The following EIF3G variants were observed in gnomAD, a reference collection of about 807,000 sequenced individuals.
EIF3G encodes the protein eukaryotic translation initiation factor 3 RNA-binding subunit.
EIF3G carries 10 observed loss-of-function variants against 41.7 expected under a neutral mutation model. The observed-to-expected ratio is 0.24, with a 90% CI of 0.15 to 0.41. The LOEUF (loss-of-function observed/expected upper bound fraction) is 0.41, where lower values mean the gene tolerates loss of function less well. EIF3G is among the 10% of genes least tolerant of loss of function. EIF3G has a pLI of 1.00. For synonymous variants in EIF3G, 204 were observed against 172.5 expected, an observed-to-expected ratio of 1.18 and a Z score of -1.43; for missense variants, 297 against 444.0, an observed-to-expected ratio of 0.67 and a Z score of 2.98.
At position 10,117,084 on chromosome 19, in the gene EIF3G, CT is replaced by C; in HGVS notation, c.404del (p.Glu135GlyfsTer3). ...DVSMTFITSKEDLNCQEEEDP... is the reference protein window; with the variant it reads ...DVSMTFITSKXDLNCQEEEDP... ...AGCCCCACCTGATTGCCCCGCTTAC[CT>C]CTTTGCTGGTGATGAACGTCATAGA... On this transcript the variant is annotated frameshift_variant and splice_region_variant, in exon 6 of 11. Transcript: ENST00000253108. LOFTEE classifies it high-confidence loss of function. The C allele has an allele frequency of 6.2e-7, 1 of 1,613,308 alleles. No homozygotes were observed. The highest frequency in any genetic ancestry group is 8.5e-7 in the Non-Finnish European group (1 of 1,179,600).
intron 3 of EIF3G, 60 bp from the exon 4 acceptor site, chr19:10,119,016 CA>C (rs1425253375): frequency 6.2e-7 from 1 of 1,612,992 alleles, no homozygotes; most frequent in Admixed American, 1.7e-5. Context: ...TCAGGAGCGG[CA>C]GGGCTGGAGG....
Position 10,119,853 on chromosome 19 carries a change from T to A in EIF3G, c.7A>T (p.Thr3Ser), listed in dbSNP as rs748091858. The stretch of plus-strand genomic sequence containing the variant: ...TCGCCGACTCACTCAAAGTCTCCAG[T>A]AGGCATCGCAAAAAGTATTCTCCAC... MP[T>S]GDFDSKPSWA... is the part of the protein sequence containing the mutation. The change falls in exon 1 of 11, where the codon ACT (threonine) becomes TCT (serine). Residue 3 changes from threonine to serine, a missense_variant. Thr to Ser is a moderately conservative substitution (Grantham distance 58). Coordinates refer to ENST00000253108, the MANE Select transcript of EIF3G (RefSeq NM_003755.5). 35 of 1,613,984 alleles carry A rather than the reference T, an allele frequency of 2.2e-5. No individual in the cohort carries two copies. Among genetic ancestry groups the A allele is most frequent in the Non-Finnish European group, 2.9e-5 (34 of 1,180,018 alleles).
rs199771066 is a variant in EIF3G at position 10,118,861 on chromosome 19, C to T, written c.240+7G>A. ...GGGTCCCCACTCCCTGCACCCCCCA[C>T]CCTCACCTTGAACTTCTTGCCATCC... On this transcript the variant is annotated splice_region_variant and intron_variant, in intron 4 of 10. Transcript: ENST00000253108. 1.2e-6 allele frequency: 2 copies of T among 1,613,714 alleles called. No individual in the cohort carries two copies. Among genetic ancestry groups the T allele is most frequent in the African/African-American group, 2.7e-5 (2 of 74,898 alleles).
Position 10,115,526 on chromosome 19 carries a change from C to T in EIF3G, c.900G>A (p.Val300=). The T allele has an allele frequency of 6.8e-6, 11 of 1,613,708 alleles. No homozygotes were observed. The highest frequency in any genetic ancestry group is 8.5e-6 in the Non-Finnish European group (10 of 1,179,730). Residue 300 remains valine, a synonymous_variant, in exon 10 of 11, where the codon GTG becomes GTA. Coordinates refer to ENST00000253108, the MANE Select transcript of EIF3G (RefSeq NM_003755.5). ...REDAARAIAG[V]SGFGYDHLIL... The stretch of plus-strand genomic sequence containing the variant: ...TGAGGTGGTCGTAGCCAAAGCCGGA[C>T]ACCCCGGCAATGGCACGCGCAGCAT...
chr19:10,115,482 G>A lies in EIF3G; in HGVS notation c.944C>T (p.Ala315Val). 3 of 1,608,054 alleles carry A rather than the reference G, an allele frequency of 1.9e-6. No homozygotes were observed. Among genetic ancestry groups the A allele is most frequent in the East Asian group, 2.2e-5 (1 of 44,836 alleles). The change falls in exon 10 of 11, where the codon GCC (alanine) becomes GTC (valine). Residue 315 changes from alanine to valine, a missense_variant. Transcript: ENST00000253108. ...TGGGGCAGGGATGGAGTCTTACTTG[G>A]CCCACTCGACGTTGAGGATGAGGTG... ...YDHLILNVEW[A>V]KPSTN
Position 10,117,135 on chromosome 19 carries a change from G to A in EIF3G, c.354C>T (p.Ala118=), listed in dbSNP as rs569020571. Reference sequence around the variant, plus strand: ...AGACATCGTCACTGACAGTGGTGGTGGCCACATTGGGTCCGGGGGGGTCAA... The same window carrying A: ...AGACATCGTCACTGACAGTGGTGGTAGCCACATTGGGTCCGGGGGGGTCAA... ...SEFDPPGPNV[A]TTTVSDDVSM... is the part of the protein sequence containing the mutation. Residue 118 remains alanine, a synonymous_variant, in exon 6 of 11, where the codon GCC becomes GCT. Coordinates refer to ENST00000253108, the MANE Select transcript of EIF3G (RefSeq NM_003755.5). The A allele has an allele frequency of 4.3e-6, 7 of 1,613,670 alleles. No homozygotes were observed. The Admixed American group carries it at 8.3e-5, about 19-fold the overall frequency.
chr19:10,119,291 G>A (rs572125927), intron 2 of EIF3G, 120 bp from the exon 3 acceptor site: 4 of 1,173,390 alleles, frequency 3.4e-6, no homozygotes, highest in South Asian at 1.3e-5. Flanking sequence ...GCCAAGGGCA[G>A]AGGGCTGGCC....
Position 10,115,033 on chromosome 19 carries a change from T to C in EIF3G, c.*81A>G, listed in dbSNP as rs1231507607. The stretch of plus-strand genomic sequence containing the variant: ...ACCAAGTAGAGAGAGTGGAGCTGCT[T>C]TATTGCCCTTGGAGCCCGCGCTCTC... On this transcript the variant is annotated 3_prime_UTR_variant, in exon 11 of 11. Transcript: ENST00000253108. 1 of 1,592,172 alleles carries C rather than the reference T, an allele frequency of 6.3e-7. No individual in the cohort carries two copies. Among genetic ancestry groups the C allele is most frequent in the Non-Finnish European group, 8.6e-7 (1 of 1,165,124 alleles).
At chr19:10,118,319 A>G in intron 5 of EIF3G, 1 of 305,422 alleles carries the variant, frequency 3.3e-6, no homozygotes, top group Non-Finnish European at 6.3e-6. Flanking sequence ...TAATCCCAAC[A>G]CTTTGGGAGG....
At chr19:10,117,301 A>T in intron 5 of EIF3G, 113 bp from the exon 6 acceptor site, 1 of 717,742 alleles carries the variant, frequency 1.4e-6, no homozygotes, top group Non-Finnish European at 2.3e-6. Flanking sequence ...CTCAAACCCC[A>T]TCTTCATCCT....
Position 10,117,136 on chromosome 19 carries a change from G to A in EIF3G, c.353C>T (p.Ala118Val), listed in dbSNP as rs11558272. 2 of 1,613,630 alleles carry A rather than the reference G, an allele frequency of 1.2e-6. No homozygotes were observed. The highest frequency in any genetic ancestry group is 1.7e-6 in the Non-Finnish European group (2 of 1,179,850). ...SEFDPPGPNVATTTVSDDVSM... is the reference protein window; with the variant it reads ...SEFDPPGPNVVTTTVSDDVSM... ...GACATCGTCACTGACAGTGGTGGTG[G>A]CCACATTGGGTCCGGGGGGGTCAAA... The change falls in exon 6 of 11, where the codon GCC (alanine) becomes GTC (valine). Residue 118 changes from alanine to valine, a missense_variant. By Grantham distance (64) the Ala-to-Val change is moderately conservative (BLOSUM62 0). Around this residue, in one of 4 missense-constraint regions of EIF3G, gnomAD observed 147 missense variants for 162.4 expected, o/e 0.91. Transcript: ENST00000253108.
chr19:10,115,223 A>G, intron 10 of EIF3G, 94 bp from the exon 11 acceptor site: 1 of 1,509,998 alleles, frequency 6.6e-7, no homozygotes, highest in Non-Finnish European at 9.0e-7. Context: ...TGGGCAGAGG[A>G]CGGGGTAATG....
At position 10,116,431 on chromosome 19, in the gene EIF3G, C is replaced by G; in HGVS notation, c.596-357G>C. 1 of 486,936 alleles carries G rather than the reference C, an allele frequency of 2.1e-6. No individual in the cohort carries two copies. The highest frequency in any genetic ancestry group is 3.7e-5 in the Admixed American group (1 of 27,142). The allele number at this position is 486,936 out of a possible 1,614,324, so 30.2% of individuals were successfully genotyped here. A position where few individuals can be genotyped will look rare whatever the true frequency, so the allele number is the denominator to read the frequency against. ...GGCAGGCGACAAGTGCACGTCTGCA[C>G]TCTCACACTCGCCACCAGCAAATCC... On this transcript the variant is annotated intron_variant, in intron 7 of 10. Coordinates refer to ENST00000253108, the MANE Select transcript of EIF3G (RefSeq NM_003755.5). This position sits in a 1 kb window ranked among gnomAD's most constrained non-coding sequence, Gnocchi z 4.1.
At chr19:10,115,158 G>T in intron 10 of EIF3G, 29 bp from the exon 11 acceptor site, 1 of 1,612,920 alleles carries the variant, frequency 6.2e-7, no homozygotes, top group East Asian at 2.2e-5. Context: ...GCAGGTATAA[G>T]ACTTCTGGGG....
rs183545591 is a variant in EIF3G, at chr19:10,115,023, T to A, written c.*91A>T. ...AACAAAAAGAACCAAGTAGAGAGAG[T>A]GGAGCTGCTTTATTGCCCTTGGAGC... On this transcript the variant is annotated 3_prime_UTR_variant, in exon 11 of 11. Transcript: ENST00000253108. 7.3e-5 allele frequency: 115 copies of A among 1,571,988 alleles called. No individual in the cohort carries two copies. The highest frequency in any genetic ancestry group is 1.8e-4 in the Admixed American group (10 of 55,834).
intron 2 of EIF3G, 70 bp from the exon 3 acceptor site, chr19:10,119,241 C>T: frequency 6.7e-7 from 1 of 1,499,388 alleles, no homozygotes. Context: ...GATGGAAGGG[C>T]TTTTGGGATG....
chr19:10,115,286 G>A (rs1035066226), intron 10 of EIF3G, 157 bp from the exon 11 acceptor site: 36 of 1,119,124 alleles, frequency 3.2e-5, no homozygotes, highest in Admixed American at 5.5e-5. Context: ...CCTGGTCCAC[G>A]GACTGGCAGG....
At position 10,119,852 on chromosome 19, in the gene EIF3G, G is replaced by C. The variant is rs776642037; in HGVS notation, c.8C>G (p.Thr3Ser). The change falls in exon 1 of 11, where the codon ACT becomes AGT. Residue 3 changes from threonine (T) to serine (S), a missense_variant. Thr to Ser is a moderately conservative substitution (Grantham distance 58). Around this residue, in one of 4 missense-constraint regions of EIF3G, gnomAD observed 147 missense variants for 162.4 expected, o/e 0.91. Coordinates refer to ENST00000253108, the MANE Select transcript of EIF3G (RefSeq NM_003755.5). Reference protein sequence around the residue: MPTGDFDSKPSWA... With the variant: MPSGDFDSKPSWA... ...ATCGCCGACTCACTCAAAGTCTCCA[G>C]TAGGCATCGCAAAAAGTATTCTCCA... 16 of 1,614,172 alleles carry C rather than the reference G, an allele frequency of 9.9e-6. No individual in the cohort carries two copies. The highest frequency in any genetic ancestry group is 1.7e-5 in the Admixed American group (1 of 60,016).
At position 10,116,077 on chromosome 19, in the gene EIF3G, G is replaced by A. The variant is rs112317953; in HGVS notation, c.596-3C>T. ...CGTGGCCTGCACCGGCTCTAGCTCTGGGGACCAAAAGACAGTCAAGTTCAA... is the reference window on the plus strand; with the variant it reads ...CGTGGCCTGCACCGGCTCTAGCTCTAGGGACCAAAAGACAGTCAAGTTCAA... On this transcript the variant is annotated splice_polypyrimidine_tract_variant and splice_region_variant and intron_variant, in intron 7 of 10. Transcript: ENST00000253108. The surrounding 1 kb of genome is among the most constrained non-coding windows in gnomAD (Gnocchi z 4.1). The A allele has an allele frequency of 1.2e-6, 2 of 1,613,330 alleles. No homozygotes were observed. The highest frequency in any genetic ancestry group is 2.2e-5 in the East Asian group (1 of 44,868).
Sources: gnomAD v4.1 joint callset for allele counts on GRCh38, gnomAD v4.1.1 for gene constraint, gnomAD v4.1.1 regional missense constraint, Gnocchi (gnomAD v3.1) non-coding constraint, MANE v1.5 for transcripts, NCBI Gene and HGNC (gene_info 2026-07-23, HGNC 2026-07-21) for gene names.